The following GDI2 variants were observed in gnomAD, a reference collection of about 807,000 sequenced individuals.
The protein encoded by GDI2 is GDP dissociation inhibitor 2.
A neutral mutation model predicts 54.2 loss-of-function variants in GDI2; 22 were observed. The observed-to-expected ratio is 0.41, with a 90% CI of 0.29 to 0.58. The LOEUF (loss-of-function observed/expected upper bound fraction) is 0.58. Ranked by LOEUF, GDI2 falls within the 20% of genes least tolerant of loss-of-function variation. The probability of loss-of-function intolerance (pLI) is 0.35; values close to 1 mark genes in which losing one functional copy is unlikely to be tolerated. For missense variants in GDI2, 422 were observed against 546.0 expected, an observed-to-expected ratio of 0.77 and a Z score of 2.26; for synonymous variants, 177 against 182.1, an observed-to-expected ratio of 0.97 and a Z score of 0.23.
rs1350550142 is a variant in GDI2, at chr10:5,776,379, A to C, written c.720-2438T>G. On this transcript the variant is annotated intron_variant, in intron 6 of 10. Transcript: ENST00000380191. This position sits in a 1 kb window ranked among gnomAD's most constrained non-coding sequence, Gnocchi z 5.3. ...CCAGAGCCCCCTTTCTCAGAAGCAC[A>C]GCCCTTTCACAGAGAAATGCCTGCC... 1 of 719,236 alleles carries C rather than the reference A, an allele frequency of 1.4e-6. No homozygotes were observed. Among genetic ancestry groups the C allele is most frequent in the Non-Finnish European group, 2.5e-6 (1 of 394,784 alleles). The allele number at this position is 719,236 out of a possible 1,614,324, so 44.6% of individuals were successfully genotyped here. A position where few individuals can be genotyped will look rare whatever the true frequency, so the allele number is the denominator to read the frequency against.
chr10:5,793,683 C>T (rs1237741669), intron 4 of GDI2, among the ~76,000 whole-genome samples: 1 of 152,180 alleles, frequency 6.6e-6, no homozygotes, highest in East Asian at 1.9e-4. Flanking sequence ...GCTCCTAGAG[C>T]CCTCACCTAC....
At chr10:5,771,565 C>G (rs1840488743) in intron 7 of GDI2, among the ~76,000 whole-genome samples, 1 of 151,858 alleles carries the variant, frequency 6.6e-6, no homozygotes, top group South Asian at 2.1e-4. Flanking sequence ...GTAAAAAAGT[C>G]TGTCATTATA....
rs1805414303 is a variant in GDI2, at chr10:5,766,465, C to G, written c.1136+29G>C. On this transcript the variant is annotated intron_variant, in intron 9 of 10. Transcript: ENST00000380191. This position sits in a 1 kb window ranked among gnomAD's most constrained non-coding sequence, Gnocchi z 5.8. ...CACAATCAAAGGCCTCAGTTTGCAT[C>G]TCGGCAGATATAAAAGAACACAACT... 1 of 1,611,802 alleles carries G rather than the reference C, an allele frequency of 6.2e-7. No individual in the cohort carries two copies. Among genetic ancestry groups the G allele is most frequent in the South Asian group, 1.1e-5 (1 of 90,996 alleles).
intron 6 of GDI2, among the ~76,000 whole-genome samples, chr10:5,783,479 A>G (rs1840806474): frequency 6.6e-6 from 1 of 152,022 alleles, no homozygotes; most frequent in South Asian, 2.1e-4. Context: ...GTACTATTCT[A>G]TTCATCGTGC....
intron 8 of GDI2, among the ~76,000 whole-genome samples, chr10:5,767,886 A>C (rs908885623): frequency 2.6e-5 from 4 of 152,190 alleles, no homozygotes; most frequent in Non-Finnish European, 4.4e-5. Flanking sequence ...TCATTAGCTC[A>C]AGAATATACT....
chr10:5,793,160 A>G (rs557020043), intron 4 of GDI2, among the ~76,000 whole-genome samples: 9 of 151,798 alleles, frequency 5.9e-5, no homozygotes, highest in Non-Finnish European at 1.3e-4. Flanking sequence ...ACATCTGGCT[A>G]ATTTTCTTAT....
In GDI2 at chr10:5,773,631, A is replaced by G. The variant is rs145992761; in HGVS notation, c.819+211T>C. Among the ~76,000 whole-genome samples, 56 of 152,320 alleles carry G rather than the reference A, an allele frequency of 3.7e-4. No individual in the cohort carries two copies. The East Asian group carries it at 9.1e-3, about 25-fold the overall frequency. On this transcript the variant is annotated intron_variant, in intron 7 of 10. Coordinates refer to ENST00000380191, the MANE Select transcript of GDI2 (RefSeq NM_001494.4). ...ACTATTTAGAGCTCACCCATAATGCATATTTCAATATTAAAATAATCAACA... is the reference window on the plus strand; with the variant it reads ...ACTATTTAGAGCTCACCCATAATGCGTATTTCAATATTAAAATAATCAACA...
At chr10:5,810,889 C>T (rs563833903) in intron 1 of GDI2, among the ~76,000 whole-genome samples, 2 of 152,296 alleles carry the variant, frequency 1.3e-5, no homozygotes, top group Admixed American at 6.5e-5. Context: ...GACTTAACAA[C>T]TCATACAAAC....
At chr10:5,801,880 G>A (rs920236135) in intron 1 of GDI2, among the ~76,000 whole-genome samples, 9 of 151,558 alleles carry the variant, frequency 5.9e-5, no homozygotes, top group African/African-American at 2.2e-4. Context: ...GCATGGTGGT[G>A]CATGCCTGTA....
At chr10:5,767,326 T>TG (rs1554786597) in intron 8 of GDI2, among the ~76,000 whole-genome samples, 28 of 151,938 alleles carry the variant, frequency 1.8e-4, no homozygotes, top group Non-Finnish European at 2.9e-4. Flanking sequence ...TGGTTTTTTT[T>TG]TGTGTTTTAA....
At chr10:5,800,485 G>A in intron 2 of GDI2, 113 bp downstream of exon 2, 1 of 694,222 alleles carries the variant, frequency 1.4e-6, no homozygotes, top group Non-Finnish European at 2.6e-6. Context: ...CAGTGCTCCA[G>A]ATATTCCATT....
At position 5,773,910 on chromosome 10, in the gene GDI2, G is replaced by A. The variant is rs1001168687; in HGVS notation, c.751C>T (p.Leu251=). Residue 251 remains leucine, a synonymous_variant, in exon 7 of 11, where the codon CTG becomes TTG. Coordinates refer to ENST00000380191, the MANE Select transcript of GDI2 (RefSeq NM_001494.4). ...ATGATTTCTTCAATGGGTTTATTCA[G>A]CATATAGGTACCTCCATAAATAGCA... ...LSAIYGGTYM[L]NKPIEEIIVQ... 5 of 1,545,320 alleles carry A rather than the reference G, an allele frequency of 3.2e-6. No individual in the cohort carries two copies. Among genetic ancestry groups the A allele is most frequent in the South Asian group, 1.1e-5 (1 of 87,578 alleles).
At chr10:5,797,574 G>A (rs978704020) in intron 2 of GDI2, among the ~76,000 whole-genome samples, 4 of 147,502 alleles carry the variant, frequency 2.7e-5, no homozygotes, top group South Asian at 4.3e-4. Context: ...AAAAATTAGC[G>A]GGGTGTGGTG....
chr10:5,793,738 G>T (rs1330192174), intron 4 of GDI2, among the ~76,000 whole-genome samples: 1 of 152,076 alleles, frequency 6.6e-6, no homozygotes, highest in Non-Finnish European at 1.5e-5. Flanking sequence ...CTCCATACAA[G>T]GACTAAAACA....
At chr10:5,802,752 C>A (rs1841297559) in intron 1 of GDI2, among the ~76,000 whole-genome samples, 1 of 152,148 alleles carries the variant, frequency 6.6e-6, no homozygotes, top group Non-Finnish European at 1.5e-5. Context: ...AACATTAAGA[C>A]CCACTTTACT....
chr10:5,768,336 G>T lies in GDI2; in HGVS notation c.868C>A (p.Arg290=). 1 of 1,613,144 alleles carries T rather than the reference G, an allele frequency of 6.2e-7. No homozygotes were observed. The highest frequency in any genetic ancestry group is 1.1e-5 in the South Asian group (1 of 91,070). ...ATCACCTGGCCCACTTTTTCTACCC[G>T]ATCTTTTACGTAGCTGGGGTCACAG... The part of the protein sequence containing the change: ...LICDPSYVKD[R]VEKVGQVIRV... Residue 290 remains arginine, a synonymous_variant, in exon 8 of 11, where the codon CGG becomes AGG. Transcript: ENST00000380191. This position sits in a 1 kb window ranked among gnomAD's most constrained non-coding sequence, Gnocchi z 4.4.
In GDI2 at chr10:5,774,774, C is replaced by T. The variant is rs950804840; in HGVS notation, c.720-833G>A. 6.6e-6 allele frequency among the ~76,000 whole-genome samples: 1 copy of T among 152,132 alleles called. No homozygotes were observed. The highest frequency in any genetic ancestry group is 1.5e-5 in the Non-Finnish European group (1 of 68,044). On this transcript the variant is annotated intron_variant, in intron 6 of 10. Transcript: ENST00000380191. This position sits in a 1 kb window ranked among gnomAD's most constrained non-coding sequence, Gnocchi z 4.8. ...CTAAAATCGGCTCTTTCCCAAAACCCCACACTGTCTATTCTCCTGTTTTTC... is the reference window on the plus strand; with the variant it reads ...CTAAAATCGGCTCTTTCCCAAAACCTCACACTGTCTATTCTCCTGTTTTTC...
chr10:5,809,254 CA>C (rs1039669236), intron 1 of GDI2, among the ~76,000 whole-genome samples: 9 of 141,952 alleles, frequency 6.3e-5, no homozygotes, highest in Admixed American at 1.4e-4. Context: ...CAAAAAAAAA[CA>C]AAAAAAAAAA....
intron 6 of GDI2, among the ~76,000 whole-genome samples, chr10:5,779,753 G>GT (rs1428777148): frequency 6.6e-6 from 1 of 150,920 alleles, no homozygotes; most frequent in Non-Finnish European, 1.5e-5. Flanking sequence ...AAATGCAGTG[G>GT]TATGATCACG....
Sources: gnomAD v4.1 joint callset for allele counts (sites outside exome capture counted in the v4.1 genomes callset) on GRCh38, gnomAD v4.1.1 for gene constraint, Gnocchi (gnomAD v3.1) non-coding constraint, MANE v1.5 for transcripts, NCBI Gene and HGNC (gene_info 2026-07-23, HGNC 2026-07-21) for gene names.